Variants in CNTN5 observed in about 807,000 individuals in gnomAD.
CNTN5 encodes contactin-5.
Under a neutral mutation model 129.1 loss-of-function variants are expected in CNTN5, and 77 were observed. The observed-to-expected ratio is 0.60, with a 90% confidence interval of 0.50 to 0.72. The LOEUF (loss-of-function observed/expected upper bound fraction) is 0.72. CNTN5 is among the 30% of genes least tolerant of loss of function. The pLI is 0.00. For synonymous variants in CNTN5, 509 were observed against 465.6 expected (o/e 1.09, Z -1.20); for missense variants, 1,478 against 1,328.8 (o/e 1.11, Z -1.75).
Position 99,351,349 on chromosome 11 carries a change from A to G in CNTN5, c.-71+25865A>G, listed in dbSNP as rs181301966. The stretch of plus-strand genomic sequence containing the variant: ...TTTGTAGATACAGACACTAATGCTT[A>G]CAGAGTCTGAACAACTTTCCCTGCC... On this transcript the variant is annotated intron_variant, in intron 2 of 24. Coordinates refer to ENST00000524871, the MANE Select transcript of CNTN5 (RefSeq NM_014361.4). 9.2e-5 allele frequency among the ~76,000 whole-genome samples: 14 copies of G among 152,310 alleles called. No homozygotes were observed. The East Asian group carries it at 2.7e-3, about 29-fold the overall frequency.
At chr11:100,220,800 T>C (rs1275603679) in intron 15 of CNTN5, among the ~76,000 whole-genome samples, 1 of 152,206 alleles carries the variant, frequency 6.6e-6, no homozygotes. Flanking sequence ...CACAATTCTG[T>C]CATTCTAGAA....
At chr11:99,902,657 A>G (rs903756317) in intron 6 of CNTN5, among the ~76,000 whole-genome samples, 2 of 152,140 alleles carry the variant, frequency 1.3e-5, no homozygotes, top group Non-Finnish European at 2.9e-5. Flanking sequence ...TTCTCTCAAG[A>G]ATTAATTTAT....
intron 2 of CNTN5, among the ~76,000 whole-genome samples, chr11:99,397,386 C>A (rs1256822256): frequency 6.6e-6 from 1 of 151,698 alleles, no homozygotes; most frequent in Non-Finnish European, 1.5e-5. Flanking sequence ...CTGTAGTATA[C>A]TCTTAGGAAG....
intron 3 of CNTN5, among the ~76,000 whole-genome samples, chr11:99,756,702 C>T (rs765840292): frequency 6.6e-6 from 1 of 151,948 alleles, no homozygotes; most frequent in Admixed American, 6.6e-5. Context: ...TACAATTTTG[C>T]AGATCTTATA....
intron 9 of CNTN5, among the ~76,000 whole-genome samples, chr11:100,041,284 A>G (rs1176723071): frequency 1.3e-5 from 2 of 152,142 alleles, no homozygotes. Flanking sequence ...TTGCCACACT[A>G]GATTGGCTGT....
chr11:99,175,174 T>C (rs571804318), intron 1 of CNTN5, among the ~76,000 whole-genome samples: 1 of 152,134 alleles, frequency 6.6e-6, no homozygotes, highest in Non-Finnish European at 1.5e-5. Context: ...CTCAAGGCTG[T>C]AGTAAGCCGA....
chr11:100,183,548 CA>C (rs1176966533), intron 13 of CNTN5, among the ~76,000 whole-genome samples: 1 of 151,804 alleles, frequency 6.6e-6, no homozygotes, highest in African/African-American at 2.4e-5. Flanking sequence ...TAGAAAAATG[CA>C]AACTAGAAAA....
At position 99,162,335 on chromosome 11, in the gene CNTN5, C is replaced by T. The variant is rs78457823; in HGVS notation, c.-210+141065C>T. ...GCCTTTGTAGAAAATGCACTTTGTT[C>T]TTTCACTGTCTTGCTTCGCTTTTAG... On this transcript the variant is annotated intron_variant, in intron 1 of 24. Transcript: ENST00000524871. 6.2e-3 allele frequency among the ~76,000 whole-genome samples: 936 copies of T among 151,536 alleles called. 15 individuals are homozygous for T. Among genetic ancestry groups the T allele is most frequent in the African/African-American group, 0.021 (869 of 41,376 alleles).
intron 4 of CNTN5, among the ~76,000 whole-genome samples, chr11:99,825,090 A>G (rs1252848925): frequency 9.2e-5 from 14 of 152,014 alleles, no homozygotes. Flanking sequence ...TATGTGTTAG[A>G]TACTATATTT....
intron 21 of CNTN5, chr11:100,309,780 A>G (rs536572707): frequency 5.0e-5 from 42 of 845,916 alleles, no homozygotes; most frequent in Non-Finnish European, 5.7e-5. Context: ...TCCCTTCTCT[A>G]TGGAGGAGGG....
chr11:100,084,196 C>T (rs1211771084), intron 13 of CNTN5, among the ~76,000 whole-genome samples: 1 of 152,104 alleles, frequency 6.6e-6, no homozygotes, highest in Non-Finnish European at 1.5e-5. Flanking sequence ...CTTGAACAAG[C>T]CATTAATTGC....
chr11:99,376,704 T>C (rs1437423301), intron 2 of CNTN5, among the ~76,000 whole-genome samples: 1 of 152,128 alleles, frequency 6.6e-6, no homozygotes, highest in Admixed American at 6.5e-5. Context: ...ACCCCTAATG[T>C]GAGTACAAAG....
At chr11:99,842,350 A>G (rs376138198) in intron 4 of CNTN5, among the ~76,000 whole-genome samples, 2 of 152,346 alleles carry the variant, frequency 1.3e-5, no homozygotes, top group East Asian at 1.9e-4. Context: ...ATTATACTAC[A>G]AGTAAATATT....
At chr11:99,204,668 T>C (rs1859384524) in intron 1 of CNTN5, among the ~76,000 whole-genome samples, 1 of 152,202 alleles carries the variant, frequency 6.6e-6, no homozygotes, top group African/African-American at 2.4e-5. Flanking sequence ...GAGCCAGAAC[T>C]GAGTATATAA....
intron 1 of CNTN5, among the ~76,000 whole-genome samples, chr11:99,239,702 G>A (rs961630856): frequency 1.3e-5 from 2 of 152,254 alleles, no homozygotes; most frequent in South Asian, 2.1e-4. Context: ...TTGGGAGGCC[G>A]AGGCGGGCGG....
At chr11:100,141,330 C>T (rs751117487) in intron 13 of CNTN5, among the ~76,000 whole-genome samples, 3 of 151,980 alleles carry the variant, frequency 2.0e-5, no homozygotes, top group South Asian at 2.1e-4. Flanking sequence ...AAAGTGTTGA[C>T]GAGACTGCTT....
intron 3 of CNTN5, among the ~76,000 whole-genome samples, chr11:99,623,156 G>A (rs999397814): frequency 1.3e-5 from 2 of 152,028 alleles, no homozygotes; most frequent in Non-Finnish European, 1.5e-5. Context: ...TGAGTTACAA[G>A]TGTCCTTGGT....
chr11:99,528,334 C>T (rs2135460022), intron 2 of CNTN5, among the ~76,000 whole-genome samples: 1 of 152,304 alleles, frequency 6.6e-6, no homozygotes, highest in South Asian at 2.1e-4. Context: ...TAATGACAGT[C>T]ACATACATGT....
intron 1 of CNTN5, among the ~76,000 whole-genome samples, chr11:99,102,366 C>G (rs1203643724): frequency 6.6e-6 from 1 of 152,144 alleles, no homozygotes; most frequent in Non-Finnish European, 1.5e-5. Flanking sequence ...CTGCAGCCAG[C>G]TTGAATTTCT....
Sources: allele counts gnomAD v4.1 joint callset (sites outside exome capture counted in the v4.1 genomes callset), GRCh38; gene constraint gnomAD v4.1.1; transcripts MANE v1.5; gene names NCBI Gene and HGNC (gene_info 2026-07-23, HGNC 2026-07-21).